PDZRN4: variants seen among roughly 807,000 people sequenced by gnomAD.
PDZRN4 encodes PDZ domain containing ring finger 4.
Under a neutral mutation model 99.0 loss-of-function variants are expected in PDZRN4, and 70 were observed. The ratio of observed to expected loss-of-function variants is 0.71; its 90% CI spans 0.58 to 0.86. The LOEUF (loss-of-function observed/expected upper bound fraction) is 0.86, where lower values mean the gene tolerates loss of function less well. Ranked by LOEUF, PDZRN4 falls within the 40% of genes least tolerant of loss-of-function variation. The pLI, the probability that PDZRN4 is intolerant of heterozygous loss-of-function variation, is 0.00. For synonymous variants in PDZRN4, 551 were observed against 501.6 expected, an observed-to-expected ratio of 1.10 and a Z score of -1.32; for missense variants, 1,474 against 1,331.2, an observed-to-expected ratio of 1.11 and a Z score of -1.67.
At chr12:41,256,766 A>C (rs1486419599) in intron 3 of PDZRN4, among the ~76,000 whole-genome samples, 1 of 152,114 alleles carries the variant, frequency 6.6e-6, no homozygotes, top group South Asian at 2.1e-4. Context: ...CTAACTCAAA[A>C]GGTCCATCTC....
At chr12:41,288,373 C>T (rs17129202) in intron 3 of PDZRN4, among the ~76,000 whole-genome samples, 12,161 of 152,042 alleles carry the variant, frequency 0.08, 636 homozygotes, top group African/African-American at 0.14. Context: ...AGACTGGCTC[C>T]GATTCTCCTG....
chr12:41,239,183 A>G (rs1184502223), intron 3 of PDZRN4, among the ~76,000 whole-genome samples: 2 of 152,210 alleles, frequency 1.3e-5, no homozygotes, highest in African/African-American at 4.8e-5. Context: ...TGGAGTTGGA[A>G]GTCATTATCC....
chr12:41,344,306 A>C (rs959362093), intron 3 of PDZRN4, among the ~76,000 whole-genome samples: 1 of 152,066 alleles, frequency 6.6e-6, no homozygotes, highest in African/African-American at 2.4e-5. Context: ...GTGTCTTAGG[A>C]AATAACTCTT....
intron 3 of PDZRN4, among the ~76,000 whole-genome samples, chr12:41,490,055 C>T (rs1433461285): frequency 1.1e-4 from 16 of 150,790 alleles, no homozygotes; most frequent in Middle Eastern, 3.4e-3. Flanking sequence ...GTTGTGTGAC[C>T]TTAGTAAAAA....
At chr12:41,571,210 A>ACTGATGCC (rs1460172606) in intron 9 of PDZRN4, among the ~76,000 whole-genome samples, 1 of 152,100 alleles carries the variant, frequency 6.6e-6, no homozygotes, top group East Asian at 1.9e-4. Flanking sequence ...TGCCTTATAG[A>ACTGATGCC]TTATCATATG....
At chr12:41,236,347 A>C (rs901013113) in intron 3 of PDZRN4, among the ~76,000 whole-genome samples, 1 of 152,072 alleles carries the variant, frequency 6.6e-6, no homozygotes, top group African/African-American at 2.4e-5. Context: ...AATTGGGGGC[A>C]GGGTGCTTCA....
chr12:41,400,530 C>T (rs1195619535), intron 3 of PDZRN4, among the ~76,000 whole-genome samples: 3 of 152,012 alleles, frequency 2.0e-5, no homozygotes, highest in Non-Finnish European at 2.9e-5. Context: ...TTTTTCTTCT[C>T]ATATGAAAAT....
chr12:41,312,450 G>A (rs1048726533), intron 3 of PDZRN4, among the ~76,000 whole-genome samples: 1 of 152,140 alleles, frequency 6.6e-6, no homozygotes, highest in Non-Finnish European at 1.5e-5. Context: ...TCCTGAGGCT[G>A]GGCGTGTGGC....
At chr12:41,272,061 T>A (rs372905297) in intron 3 of PDZRN4, among the ~76,000 whole-genome samples, 19 of 9,288 alleles carry the variant, frequency 2.0e-3, no homozygotes, top group Non-Finnish European at 3.9e-3. Context: ...AATAGAGTAT[T>A]TTTTTTTTTG....
intron 3 of PDZRN4, among the ~76,000 whole-genome samples, chr12:41,320,139 C>T (rs956286748): frequency 6.6e-6 from 1 of 152,188 alleles, no homozygotes; most frequent in Admixed American, 6.5e-5. Context: ...GCTGAGGTAG[C>T]GAGAACATCG....
At chr12:41,384,698 C>T (rs958666067) in intron 3 of PDZRN4, among the ~76,000 whole-genome samples, 1 of 152,024 alleles carries the variant, frequency 6.6e-6, no homozygotes, top group African/African-American at 2.4e-5. Flanking sequence ...TAGTGTAAGG[C>T]AAAAAGGACA....
intron 7 of PDZRN4, among the ~76,000 whole-genome samples, chr12:41,563,032 C>T (rs1939299110): frequency 6.6e-6 from 1 of 152,154 alleles, no homozygotes; most frequent in Admixed American, 6.5e-5. Context: ...GTTTGGGCAA[C>T]TGGGTCAGAC....
intron 3 of PDZRN4, among the ~76,000 whole-genome samples, chr12:41,398,569 G>A (rs988986328): frequency 6.6e-6 from 1 of 152,128 alleles, no homozygotes; most frequent in African/African-American, 2.4e-5. Context: ...GTAATAATTT[G>A]AATCAAGAAT....
At chr12:41,390,116 C>T (rs1952199438) in intron 3 of PDZRN4, among the ~76,000 whole-genome samples, 1 of 151,958 alleles carries the variant, frequency 6.6e-6, no homozygotes. Flanking sequence ...CAGTTGAGGG[C>T]CGTGATAATT....
intron 3 of PDZRN4, among the ~76,000 whole-genome samples, chr12:41,228,164 A>G (rs1024417425): frequency 6.6e-6 from 1 of 152,194 alleles, no homozygotes; most frequent in Non-Finnish European, 1.5e-5. Flanking sequence ...ACAGAACGTT[A>G]TGAACAATCC....
At chr12:41,539,579 C>T (rs1489676837) in intron 5 of PDZRN4, among the ~76,000 whole-genome samples, 2 of 152,060 alleles carry the variant, frequency 1.3e-5, no homozygotes, top group Non-Finnish European at 2.9e-5. Context: ...AGCTTAGAAA[C>T]ATTGCAGGAA....
At chr12:41,267,757 C>T (rs953222313) in intron 3 of PDZRN4, among the ~76,000 whole-genome samples, 2 of 151,850 alleles carry the variant, frequency 1.3e-5, no homozygotes, top group South Asian at 2.1e-4. Context: ...AGGAGAATTG[C>T]GTGAACCCAG....
At chr12:41,303,610 TG>T (rs561990427) in intron 3 of PDZRN4, among the ~76,000 whole-genome samples, 227 of 152,290 alleles carry the variant, frequency 1.5e-3, no homozygotes, top group African/African-American at 5.3e-3. Context: ...ATTTAAATGT[TG>T]GAGGAGCTAT....
In PDZRN4 at chr12:41,509,636, C is replaced by T. The variant is rs150120281; in HGVS notation, c.1101-175C>T. The T allele has an allele frequency of 6.6e-4, 287 of 434,580 alleles. 1 individual carries two copies. Among genetic ancestry groups the T allele is most frequent in the African/African-American group, 5.5e-3 (270 of 49,002 alleles). The allele number at this position is 434,580 out of a possible 1,614,324, so 26.9% of individuals were successfully genotyped here. On this transcript the variant is annotated intron_variant, in intron 4 of 9. Transcript: ENST00000402685. Reference sequence around the variant, plus strand: ...AGAAATTGCAAATTGATGGACTTCACGTAGAGGGAGAAAGAAAAGCTATTG... The same window carrying T: ...AGAAATTGCAAATTGATGGACTTCATGTAGAGGGAGAAAGAAAAGCTATTG...
Sources: gnomAD v4.1 joint callset for allele counts (sites outside exome capture counted in the v4.1 genomes callset) on GRCh38, gnomAD v4.1.1 for gene constraint, MANE v1.5 for transcripts, NCBI Gene and HGNC (gene_info 2026-07-23, HGNC 2026-07-21) for gene names.